Variants in MYO18B observed in about 807,000 individuals in gnomAD.
MYO18B encodes the protein unconventional myosin-XVIIIb.
In MYO18B, 204 loss-of-function variants were observed where a neutral mutation model predicts 273.0. The ratio of observed to expected loss-of-function variants is 0.75; its 90% CI spans 0.67 to 0.84. The LOEUF (loss-of-function observed/expected upper bound fraction) is 0.84. Ranked by LOEUF, MYO18B falls within the 40% of genes least tolerant of loss-of-function variation. The probability of loss-of-function intolerance (pLI) is 0.00; values close to 1 mark genes in which losing one functional copy is unlikely to be tolerated. For synonymous variants in MYO18B, 1,330 were observed against 1,305.7 expected (o/e 1.02, Z -0.40); for missense variants, 3,212 against 3,287.6 (o/e 0.98, Z 0.56).
chr22:25,808,654 A>G (rs571309013), intron 12 of MYO18B, among the ~76,000 whole-genome samples: 116 of 152,268 alleles, frequency 7.6e-4, no homozygotes, highest in Non-Finnish European at 1.3e-4. Flanking sequence ...AGAATTGAGG[A>G]GAGCTCAGAC....
the MYO18B span, among the ~76,000 whole-genome samples, chr22:26,056,413 G>A: frequency 1.3e-5 from 2 of 152,122 alleles, no homozygotes; most frequent in Admixed American, 6.5e-5. Context: ...AAGGTCAAAC[G>A]GGCCCTAACT....
intron 20 of MYO18B, among the ~76,000 whole-genome samples, chr22:25,850,569 A>G (rs1359648755): frequency 6.6e-6 from 1 of 152,046 alleles, no homozygotes; most frequent in East Asian, 1.9e-4. Flanking sequence ...GTTACTGTGG[A>G]CTATAAAATA....
intron 12 of MYO18B, among the ~76,000 whole-genome samples, chr22:25,806,506 A>G (rs777734910): frequency 3.9e-5 from 6 of 152,154 alleles, no homozygotes; most frequent in Non-Finnish European, 8.8e-5. Flanking sequence ...CTGGCTTGCC[A>G]TCACTGATGG....
At chr22:25,780,345 C>T in intron 9 of MYO18B, 147 bp downstream of exon 9, 1 of 997,022 alleles carries the variant, frequency 1.0e-6, no homozygotes, top group Non-Finnish European at 1.4e-6. Context: ...AATCCCAGCA[C>T]TTTGGGAGGC....
intron 34 of MYO18B, among the ~76,000 whole-genome samples, chr22:25,940,060 A>G (rs2092625998): frequency 6.6e-6 from 1 of 152,212 alleles, no homozygotes; most frequent in Non-Finnish European, 1.5e-5. Flanking sequence ...ACAGTGCACA[A>G]CTGATACAGC....
chr22:26,051,731 T>A, the MYO18B span, among the ~76,000 whole-genome samples: 1 of 152,244 alleles, frequency 6.6e-6, no homozygotes, highest in African/African-American at 2.4e-5. Context: ...TCTTTCCTGA[T>A]ATATTTTTAA....
At chr22:25,849,559 T>C (rs1013103641) in intron 20 of MYO18B, among the ~76,000 whole-genome samples, 1 of 152,214 alleles carries the variant, frequency 6.6e-6, no homozygotes, top group South Asian at 2.1e-4. Flanking sequence ...GACACTGTGT[T>C]GTCACCTATA....
At chr22:25,841,885 C>T (rs555667276) in intron 17 of MYO18B, among the ~76,000 whole-genome samples, 1 of 152,338 alleles carries the variant, frequency 6.6e-6, no homozygotes, top group African/African-American at 2.4e-5. Flanking sequence ...GACATTTGCG[C>T]CAAAGCCTGG....
At position 25,902,613 on chromosome 22, in the gene MYO18B, G is replaced by A; in HGVS notation, c.4824G>A (p.Lys1608=). The change falls in exon 30 of 44, where the codon AAG becomes AAA. Residue 1608 remains lysine, a splice_region_variant and synonymous_variant. Transcript: ENST00000335473. ...CTGACACGTGCTCTGCTTTGCACAG[G>A]TTTGACCTGCAGCTGGCCCAGGCCC... ...RNHELEKKQK[K]FDLQLAQALG... 1.2e-6 allele frequency: 2 copies of A among 1,606,984 alleles called. No homozygotes were observed. Among genetic ancestry groups the A allele is most frequent in the Non-Finnish European group, 1.7e-6 (2 of 1,176,830 alleles).
At chr22:25,851,359 A>G (rs2090421547) in intron 20 of MYO18B, 111 bp from the exon 21 acceptor site, 1 of 698,606 alleles carries the variant, frequency 1.4e-6, no homozygotes, top group African/African-American at 1.8e-5. Flanking sequence ...GCAAGTTAGT[A>G]GCCAGGCTAG....
chr22:25,838,411 G>T (rs752015566), intron 17 of MYO18B, among the ~76,000 whole-genome samples: 3 of 152,036 alleles, frequency 2.0e-5, no homozygotes, highest in Non-Finnish European at 2.9e-5. Flanking sequence ...TGTTGGCCAG[G>T]CTGGTCTGGA....
chr22:25,936,752 T>C (rs1390856650), intron 34 of MYO18B, among the ~76,000 whole-genome samples: 1 of 152,190 alleles, frequency 6.6e-6, no homozygotes, highest in Non-Finnish European at 1.5e-5. Flanking sequence ...CTGTGGGCTC[T>C]CTTCCTGGCC....
rs556589016 is a variant in MYO18B, at chr22:25,883,411, A to T, written c.4314+5363A>T. 3 of 152,330 alleles carry T rather than the reference A, an allele frequency of 2.0e-5. No homozygotes were observed. In the East Asian group the frequency reaches 5.8e-4, roughly 29 times the overall value. 9.4% of individuals were successfully genotyped at this position (152,330 alleles called of 1,614,324 possible). A position where few individuals can be genotyped will look rare whatever the true frequency, so the allele number is the denominator to read the frequency against. ...CAGAATGCCCTGTAAGACTTCTCCG[A>T]ATACAGATTGCTAGACTCCAGCCTT... On this transcript the variant is annotated intron_variant, in intron 25 of 43. Coordinates refer to ENST00000335473, the MANE Select transcript of MYO18B (RefSeq NM_032608.7). This position sits in a 1 kb window ranked among gnomAD's most constrained non-coding sequence, Gnocchi z 7.6.
chr22:25,931,404 A>G (rs1023601779), intron 34 of MYO18B, among the ~76,000 whole-genome samples: 3 of 152,238 alleles, frequency 2.0e-5, no homozygotes, highest in African/African-American at 7.2e-5. Flanking sequence ...ACTATTCTAC[A>G]GCAACGATAT....
intron 10 of MYO18B, among the ~76,000 whole-genome samples, chr22:25,784,905 G>C (rs2087315876): frequency 6.6e-6 from 1 of 152,206 alleles, no homozygotes; most frequent in Non-Finnish European, 1.5e-5. Context: ...GGATAGCGCG[G>C]AGTCTGGGCT....
intron 39 of MYO18B, among the ~76,000 whole-genome samples, chr22:25,984,037 G>A (rs1216888687): frequency 3.3e-5 from 5 of 152,300 alleles, no homozygotes; most frequent in African/African-American, 7.2e-5. Flanking sequence ...AGCAGCCCTC[G>A]TATTTCCCGT....
intron 8 of MYO18B, among the ~76,000 whole-genome samples, chr22:25,779,006 A>G (rs2087028817): frequency 6.6e-6 from 1 of 151,782 alleles, no homozygotes; most frequent in Non-Finnish European, 1.5e-5. Context: ...ATTATTGCAC[A>G]CTCTGAAAAG....
At chr22:25,867,708 C>A (rs1439480576) in intron 21 of MYO18B, among the ~76,000 whole-genome samples, 1 of 152,160 alleles carries the variant, frequency 6.6e-6, no homozygotes, top group Non-Finnish European at 1.5e-5. Context: ...CGGCTCACTG[C>A]AAGCTCCGCC....
At chr22:25,818,375 G>C (rs1223123497) in intron 12 of MYO18B, among the ~76,000 whole-genome samples, 1 of 152,174 alleles carries the variant, frequency 6.6e-6, no homozygotes, top group Non-Finnish European at 1.5e-5. Context: ...GGTTCCTTGA[G>C]CATGGAGCCT....
Sources: gnomAD v4.1 joint callset for allele counts (sites outside exome capture counted in the v4.1 genomes callset) on GRCh38, gnomAD v4.1.1 for gene constraint, Gnocchi (gnomAD v3.1) non-coding constraint, MANE v1.5 for transcripts, NCBI Gene and HGNC (gene_info 2026-07-23, HGNC 2026-07-21) for gene names.